Variants in PCM1 observed in about 807,000 individuals in gnomAD.
PCM1 encodes the protein pericentriolar material 1 protein.
PCM1 carries 157 observed loss-of-function variants against 241.9 expected under a neutral mutation model. That is an observed-to-expected ratio of 0.65 (90% CI 0.57 to 0.74). The LOEUF is 0.74. Ranked by LOEUF, PCM1 falls within the 30% of genes least tolerant of loss-of-function variation. The probability of loss-of-function intolerance (pLI) is 0.00; values close to 1 mark genes in which losing one functional copy is unlikely to be tolerated. For missense variants in PCM1, 3,478 were observed against 2,360.1 expected, an observed-to-expected ratio of 1.47 and a Z score of -9.81; for synonymous variants, 1,085 against 784.9, an observed-to-expected ratio of 1.38 and a Z score of -6.39.
chr8:17,945,783 C>G (rs978570953), intron 6 of PCM1, among the ~76,000 whole-genome samples: 1 of 152,080 alleles, frequency 6.6e-6, no homozygotes, highest in Non-Finnish European at 1.5e-5. Context: ...AAGTGTAGAT[C>G]AGTGCATTTT....
rs2099721508 is a variant in PCM1, at chr8:17,939,792, C to A, written c.714C>A (p.Arg238=). 3 of 1,544,872 alleles carry A rather than the reference C, an allele frequency of 1.9e-6. No individual in the cohort carries two copies. Among genetic ancestry groups the A allele is most frequent in the Non-Finnish European group, 2.6e-6 (3 of 1,136,918 alleles). Residue 238 remains arginine, a synonymous_variant, in exon 6 of 39, where the codon CGC becomes CGA. Coordinates refer to ENST00000325083, the MANE Select transcript of PCM1 (RefSeq NM_006197.4). ...ATGAGAGATCTGCTAATGTTGAGCG[C>A]CTTACTCATCTAATAGATCACCTTA... ...EKNERSANVE[R]LTHLIDHLKE...
At chr8:17,998,535 G>A (rs1253967362) in intron 29 of PCM1, among the ~76,000 whole-genome samples, 7 of 152,160 alleles carry the variant, frequency 4.6e-5, no homozygotes, top group African/African-American at 1.2e-4. Context: ...GTGTTGAAAT[G>A]CCTGGAGCTG....
chr8:18,020,516 C>A (rs2093666622), intron 36 of PCM1, among the ~76,000 whole-genome samples: 2 of 152,132 alleles, frequency 1.3e-5, no homozygotes, highest in Admixed American at 6.5e-5. Context: ...TCTGTCTGAA[C>A]AATAGGAAGA....
At chr8:17,977,757 A>G (rs2079264022) in intron 23 of PCM1, among the ~76,000 whole-genome samples, 1 of 152,166 alleles carries the variant, frequency 6.6e-6, no homozygotes, top group African/African-American at 2.4e-5. Flanking sequence ...ACTAAGCAGT[A>G]GAGAAGATTC....
At chr8:18,020,168 A>G (rs2093642317) in intron 36 of PCM1, among the ~76,000 whole-genome samples, 1 of 152,214 alleles carries the variant, frequency 6.6e-6, no homozygotes. Flanking sequence ...GGGATTATCA[A>G]ATATGATAAT....
intron 23 of PCM1, among the ~76,000 whole-genome samples, chr8:17,973,901 C>T (rs1371889748): frequency 6.6e-6 from 1 of 152,098 alleles, no homozygotes; most frequent in African/African-American, 2.4e-5. Context: ...CAACCTTCAT[C>T]TTAATCACTT....
At chr8:17,962,242 G>T (rs1563962471) in intron 16 of PCM1, 68 bp downstream of exon 16, 6 of 1,368,616 alleles carry the variant, frequency 4.4e-6, no homozygotes, top group Middle Eastern at 1.8e-4. Context: ...CTTCAATAAG[G>T]CACATCTCAA....
intron 6 of PCM1, among the ~76,000 whole-genome samples, chr8:17,943,492 GAGTTAAC>G (rs1425382088): frequency 6.6e-6 from 1 of 152,116 alleles, no homozygotes; most frequent in Non-Finnish European, 1.5e-5. Flanking sequence ...CGAAATTTAA[GAGTTAAC>G]AGTTAATGCA....
At chr8:17,924,165 G>T (rs1029505123) in intron 1 of PCM1, among the ~76,000 whole-genome samples, 2 of 152,148 alleles carry the variant, frequency 1.3e-5, no homozygotes, top group Admixed American at 1.3e-4. Flanking sequence ...ACCGGAGTGG[G>T]TGTTGCAGAG....
chr8:17,933,682 G>A (rs1163929313), intron 2 of PCM1, among the ~76,000 whole-genome samples: 1 of 151,992 alleles, frequency 6.6e-6, no homozygotes, highest in Non-Finnish European at 1.5e-5. Flanking sequence ...AAGTAGCATC[G>A]TTTAAGTGGT....
chr8:17,948,931 C>G (rs1192234946), intron 7 of PCM1, among the ~76,000 whole-genome samples: 1 of 152,046 alleles, frequency 6.6e-6, no homozygotes, highest in Non-Finnish European at 1.5e-5. Context: ...AGCTTTAATT[C>G]TTATTTCTGT....
At position 17,985,533 on chromosome 8, in the gene PCM1, C is replaced by T. The variant is rs967829705; in HGVS notation, c.4195C>T (p.Arg1399Cys). The T allele has an allele frequency of 3.8e-6, 6 of 1,590,890 alleles. No homozygotes were observed. Among genetic ancestry groups the T allele is most frequent in the Middle Eastern group, 1.7e-4 (1 of 6,032 alleles). Reference sequence around the variant, plus strand: ...TACATTAATTTCTCAAAATGAATCTCGTCCACATTTTCTTATTGAACTCTT... The same window carrying T: ...TACATTAATTTCTCAAAATGAATCTTGTCCACATTTTCTTATTGAACTCTT... Reference protein sequence around the residue: ...VATLISQNESRPHFLIELFHE... With the variant: ...VATLISQNESCPHFLIELFHE... Residue 1399 changes from arginine (R) to cysteine (C), a missense_variant, in exon 25 of 39, where the codon CGT becomes TGT. By Grantham distance (180) the Arg-to-Cys change is radical (BLOSUM62 -3). Coordinates refer to ENST00000325083, the MANE Select transcript of PCM1 (RefSeq NM_006197.4).
In PCM1 at chr8:17,989,920, A is replaced by T. The variant is rs1381383737; in HGVS notation, c.4472A>T (p.Asp1491Val). The change falls in exon 27 of 39, where the codon GAT (aspartate) becomes GTT (valine). Residue 1491 changes from aspartate (D) to valine (V), a missense_variant. Asp to Val is a radical substitution (Grantham distance 152). Coordinates refer to ENST00000325083, the MANE Select transcript of PCM1 (RefSeq NM_006197.4). ...AAAATAAGTGAGCAAAATGATGCTG[A>T]TAATGCTAGTGTCCTGTCTGTATCA... ...THKISEQNDADNASVLSVSSN... is the reference protein window; with the variant it reads ...THKISEQNDAVNASVLSVSSN... The T allele has an allele frequency of 1.3e-6, 2 of 1,546,824 alleles. No homozygotes were observed. The highest frequency in any genetic ancestry group is 2.7e-5 in the African/African-American group (2 of 72,926).
At chr8:17,952,899 AT>A in intron 8 of PCM1, 70 bp from the exon 9 acceptor site, 1 of 903,728 alleles carries the variant, frequency 1.1e-6, no homozygotes. Context: ...ATATTTATGC[AT>A]TTAAAAAATG....
chr8:18,009,326 A>G (rs1443451132), intron 30 of PCM1, among the ~76,000 whole-genome samples: 2 of 152,230 alleles, frequency 1.3e-5, no homozygotes, highest in Non-Finnish European at 2.9e-5. Context: ...TAGGGACTAA[A>G]TATAGATGAC....
chr8:18,025,226 C>T, intron 36 of PCM1, 135 bp from the exon 37 acceptor site: 2 of 325,420 alleles, frequency 6.1e-6, no homozygotes, highest in Non-Finnish European at 1.1e-5. Flanking sequence ...CTGCATATTT[C>T]TAAATTATTC....
At chr8:17,984,399 T>A (rs2081937603) in intron 24 of PCM1, among the ~76,000 whole-genome samples, 2 of 152,140 alleles carry the variant, frequency 1.3e-5, no homozygotes, top group South Asian at 4.1e-4. Flanking sequence ...TGATAGTTCA[T>A]ACCTTAAAAC....
chr8:17,956,984 G>C (rs573208263), intron 11 of PCM1, among the ~76,000 whole-genome samples: 2 of 152,270 alleles, frequency 1.3e-5, no homozygotes, highest in South Asian at 4.1e-4. Context: ...TTTGCCCTTT[G>C]TTAGACTGAA....
intron 24 of PCM1, among the ~76,000 whole-genome samples, chr8:17,982,828 C>T (rs899644073): frequency 1.3e-5 from 2 of 152,038 alleles, no homozygotes; most frequent in African/African-American, 2.4e-5. Flanking sequence ...AATCATTACC[C>T]TAAAATTCCT....
Sources: allele counts gnomAD v4.1 joint callset (sites outside exome capture counted in the v4.1 genomes callset), GRCh38; gene constraint gnomAD v4.1.1; transcripts MANE v1.5; gene names NCBI Gene and HGNC (gene_info 2026-07-23, HGNC 2026-07-21).